LANCL3: variants seen among roughly 807,000 people sequenced by gnomAD.
The protein encoded by LANCL3 is lanC-like protein 3.
A neutral mutation model predicts 26.5 loss-of-function variants in LANCL3; 19 were observed. That is an observed-to-expected ratio of 0.72 (90% confidence interval 0.50 to 1.05). The LOEUF (loss-of-function observed/expected upper bound fraction) is 1.05, where lower values mean the gene tolerates loss of function less well. Ranked by LOEUF, LANCL3 falls within the 50% of genes least tolerant of loss-of-function variation. LANCL3 has a pLI of 0.00. For synonymous variants in LANCL3, 160 were observed against 166.6 expected (o/e 0.96, Z 0.30); for missense variants, 318 against 362.7 (o/e 0.88, Z 1.00).
At chrX:37,662,361 T>C (rs1342017947) in intron 3 of LANCL3, among the ~76,000 whole-genome samples, 2 of 112,499 alleles carry the variant, frequency 1.8e-5, no homozygotes, top group African/African-American at 6.5e-5. Context: ...ACACTGACAA[T>C]GCATTTCCTT....
At chrX:37,657,334 C>A in intron 2 of LANCL3, among the ~76,000 whole-genome samples, 1 of 111,285 alleles carries the variant, frequency 9.0e-6, no homozygotes, top group African/African-American at 3.3e-5. Context: ...ACAGTGTCTG[C>A]TATAGTCCCC....
chrX:37,628,309 G>T (rs181307365), intron 1 of LANCL3, among the ~76,000 whole-genome samples: 226 of 110,665 alleles, frequency 2.0e-3, no homozygotes, highest in African/African-American at 7.1e-3. Flanking sequence ...CCAAATTGAG[G>T]GACATCTTGT....
In LANCL3 at chrX:37,642,944, A is replaced by T. The variant is rs562970865; in HGVS notation, c.574-12744A>T. On this transcript the variant is annotated intron_variant, in intron 1 of 4. Transcript: ENST00000378619. ...AGCAACTATTCATCCCTATATTTCT[A>T]TACTCTCTAGTACATTATCATGTAC... 4.4e-5 allele frequency among the ~76,000 whole-genome samples: 5 copies of T among 112,572 alleles called. No homozygotes were observed. In the South Asian group the frequency reaches 1.9e-3, roughly 42 times the overall value.
chrX:37,616,290 T>C (rs1925005365), intron 1 of LANCL3, among the ~76,000 whole-genome samples: 1 of 112,377 alleles, frequency 8.9e-6, no homozygotes, highest in Non-Finnish European at 1.9e-5. Context: ...CTTATTAGAT[T>C]ATTTTAAGAG....
intron 1 of LANCL3, among the ~76,000 whole-genome samples, chrX:37,640,493 A>G (rs2146765974): frequency 8.9e-6 from 1 of 112,069 alleles, no homozygotes; most frequent in South Asian, 3.8e-4. Context: ...GTGGGAACAC[A>G]GAGCCAAACC....
chrX:37,676,291 A>T lies in LANCL3; in HGVS notation c.*478A>T, dbSNP rs987768218. On this transcript the variant is annotated 3_prime_UTR_variant, in exon 5 of 5. Transcript: ENST00000378619. ...GAATGGATTGTCAGGTTGCTGAAGT[A>T]TAAAAATAAACTCTTGGTTGTCCTG... The T allele has an allele frequency of 1.8e-5, 2 of 112,616 alleles. No individual in the cohort carries two copies. Among genetic ancestry groups the T allele is most frequent in the Non-Finnish European group, 3.7e-5 (2 of 53,432 alleles). The allele number at this position is 112,616 out of a possible 1,213,427, so 9.3% of individuals were successfully genotyped here. A position where few individuals can be genotyped will look rare whatever the true frequency, so the allele number is the denominator to read the frequency against.
At chrX:37,654,240 C>A (rs1486410405) in intron 1 of LANCL3, among the ~76,000 whole-genome samples, 2 of 112,534 alleles carry the variant, frequency 1.8e-5, no homozygotes, top group Non-Finnish European at 3.8e-5. Context: ...TTTTGGGAAA[C>A]CAAAGCTGGA....
chrX:37,602,824 A>G (rs1465041616), intron 1 of LANCL3, among the ~76,000 whole-genome samples: 1 of 111,818 alleles, frequency 8.9e-6, no homozygotes, highest in Non-Finnish European at 1.9e-5. Flanking sequence ...AGTCAAAATC[A>G]GTCTTTTCAA....
chrX:37,659,744 C>A, intron 3 of LANCL3, 85 bp downstream of exon 3: 1 of 810,390 alleles, frequency 1.2e-6, no homozygotes, highest in Non-Finnish European at 1.8e-6. Flanking sequence ...GTGAGGATAG[C>A]TAATCTTATG....
chrX:37,673,567 T>A (rs1206123149), intron 4 of LANCL3, among the ~76,000 whole-genome samples: 1 of 111,163 alleles, frequency 9.0e-6, no homozygotes, highest in African/African-American at 3.3e-5. Flanking sequence ...GAAAAAAAAA[T>A]TTGTTTAATT....
At chrX:37,618,939 C>A (rs2146742647) in intron 1 of LANCL3, among the ~76,000 whole-genome samples, 1 of 111,104 alleles carries the variant, frequency 9.0e-6, no homozygotes, top group South Asian at 3.9e-4. Context: ...TATTTCAAAC[C>A]TTTGCTTCCC....
chrX:37,680,816 A>C lies in LANCL3; in HGVS notation c.*5003A>C, dbSNP rs1371806735. 9.1e-6 allele frequency: 1 copy of C among 110,342 alleles called. No homozygotes were observed. The highest frequency in any genetic ancestry group is 1.9e-5 in the Non-Finnish European group (1 of 52,910). 9.1% of individuals were successfully genotyped at this position (110,342 alleles called of 1,213,427 possible). On this transcript the variant is annotated 3_prime_UTR_variant, in exon 5 of 5. Transcript: ENST00000378619. Reference sequence around the variant, plus strand: ...GTTTTTCTTAGTCCCTGTAGGAAAAAGTTTACCCCTCTGTGTGCGAGTGTG... The same window carrying C: ...GTTTTTCTTAGTCCCTGTAGGAAAACGTTTACCCCTCTGTGTGCGAGTGTG...
intron 1 of LANCL3, among the ~76,000 whole-genome samples, 189 bp downstream of exon 1, chrX:37,572,632 T>A (rs1278823706): frequency 8.9e-5 from 10 of 112,385 alleles, no homozygotes; most frequent in African/African-American, 3.2e-4. Context: ...TCCTGTCGTT[T>A]TCAGTCTCTC....
At chrX:37,653,940 A>G (rs1926220105) in intron 1 of LANCL3, among the ~76,000 whole-genome samples, 1 of 111,103 alleles carries the variant, frequency 9.0e-6, no homozygotes, top group Non-Finnish European at 1.9e-5. Flanking sequence ...AAGAGAATGT[A>G]GTCTTACTGA....
intron 1 of LANCL3, among the ~76,000 whole-genome samples, chrX:37,620,154 C>G: frequency 8.9e-6 from 1 of 112,053 alleles, no homozygotes; most frequent in Admixed American, 9.4e-5. Flanking sequence ...GGAAGGTAGA[C>G]AAATCCTCAG....
intron 1 of LANCL3, among the ~76,000 whole-genome samples, chrX:37,637,507 T>A (rs898617050): frequency 9.0e-5 from 10 of 111,242 alleles, no homozygotes; most frequent in African/African-American, 3.3e-4. Flanking sequence ...GCGTGGCCCC[T>A]TCCTCCCATT....
chrX:37,571,981 C>T lies in LANCL3; in HGVS notation c.111C>T (p.Arg37=), dbSNP rs202018921. 2.8e-4 allele frequency: 339 copies of T among 1,195,712 alleles called. 2 individuals are homozygous for T. In the East Asian group the frequency reaches 9.3e-3, roughly 33 times the overall value. The stretch of plus-strand genomic sequence containing the variant: ...CCTTGGTCACCGCCACCATCGAGCG[C>T]ATCCTCCAGGAGCTTCCCCCACTCG... ...VAPLVTATIE[R]ILQELPPLGG... The change falls in exon 1 of 5, where the codon CGC becomes CGT. Residue 37 remains arginine, a synonymous_variant. Transcript: ENST00000378619.
chrX:37,604,246 C>G (rs782054251), intron 1 of LANCL3, among the ~76,000 whole-genome samples: 1 of 112,336 alleles, frequency 8.9e-6, no homozygotes, highest in Non-Finnish European at 1.9e-5. Flanking sequence ...AGCTAAGCAC[C>G]CCATCTTTGA....
At chrX:37,665,280 T>C (rs1556433572) in intron 3 of LANCL3, among the ~76,000 whole-genome samples, 1 of 112,247 alleles carries the variant, frequency 8.9e-6, no homozygotes, top group African/African-American at 3.2e-5. Flanking sequence ...TCTAGCCTTC[T>C]TCCCCACTGG....
Sources: allele counts gnomAD v4.1 joint callset (sites outside exome capture counted in the v4.1 genomes callset), GRCh38; gene constraint gnomAD v4.1.1; transcripts MANE v1.5; gene names NCBI Gene and HGNC (gene_info 2026-07-23, HGNC 2026-07-21).